FLT4: variants seen among roughly 807,000 people sequenced by gnomAD.
The protein encoded by FLT4 is vascular endothelial growth factor receptor 3.
A neutral mutation model predicts 163.2 loss-of-function variants in FLT4; 30 were observed. That is an observed-to-expected ratio of 0.18 (90% CI 0.14 to 0.25). FLT4 has a LOEUF of 0.25. Ranked by LOEUF, FLT4 falls within the 10% of genes least tolerant of loss-of-function variation. The probability of loss-of-function intolerance (pLI) is 1.00; values close to 1 mark genes in which losing one functional copy is unlikely to be tolerated. For missense variants in FLT4, 1,510 were observed against 1,863.8 expected, an observed-to-expected ratio of 0.81 and a Z score of 3.50; for synonymous variants, 884 against 789.5, an observed-to-expected ratio of 1.12 and a Z score of -2.01.
chr5:180,614,464 T>A (rs529434971), intron 23 of FLT4, among the ~76,000 whole-genome samples: 12 of 152,190 alleles, frequency 7.9e-5, no homozygotes, highest in Admixed American at 2.6e-4. Context: ...CGGGGTAGAC[T>A]GTACACCTTC....
At position 180,626,240 on chromosome 5, in the gene FLT4, C is replaced by G. The variant is rs777529468; in HGVS notation, c.1129G>C (p.Gly377Arg). 4.4e-5 allele frequency: 71 copies of G among 1,612,536 alleles called. No individual in the cohort carries two copies. The highest frequency in any genetic ancestry group is 6.0e-5 in the Non-Finnish European group (71 of 1,180,012). ...QWYKDGKALS[G>R]RHSPHALVLK... ...ACCAGGGCATGTGGACTGTGGCGCC[C>G]GGACAGTGCCTTTCCATCCTTGTAC... Residue 377 changes from glycine to arginine, a missense_variant, in exon 9 of 30, where the codon GGG (glycine) becomes CGG (arginine). By Grantham distance (125) the Gly-to-Arg change is moderately radical. Around this residue, in one of 5 missense-constraint regions of FLT4, gnomAD observed 878 missense variants for 1,016.7 expected, o/e 0.86. Transcript: ENST00000261937.
chr5:180,619,161 G>A lies in FLT4; in HGVS notation c.2762-52C>T, dbSNP rs775223256. ...GCGTTCGGAACCCGGGGCGCGCTGC[G>A]GGCGCGCTCCGCGTTTGCACCCGCG... On this transcript the variant is annotated intron_variant, in intron 19 of 29. Transcript: ENST00000261937. 9 of 1,314,974 alleles carry A rather than the reference G, an allele frequency of 6.8e-6. No homozygotes were observed. In the South Asian group the frequency reaches 9.2e-5, roughly 13 times the overall value. 81.5% of individuals were successfully genotyped at this position (1,314,974 alleles called of 1,614,324 possible). A position where few individuals can be genotyped will look rare whatever the true frequency, so the allele number is the denominator to read the frequency against.
At chr5:180,631,452 GA>G (rs1561742674) in intron 2 of FLT4, among the ~76,000 whole-genome samples, 1 of 151,870 alleles carries the variant, frequency 6.6e-6, no homozygotes, top group African/African-American at 2.4e-5. Flanking sequence ...CAGCCTGGGT[GA>G]CAGAGTGAGA....
chr5:180,647,721 C>T (rs1202784156), intron 1 of FLT4, among the ~76,000 whole-genome samples: 2 of 152,104 alleles, frequency 1.3e-5, no homozygotes, highest in Non-Finnish European at 2.9e-5. Flanking sequence ...GGGATGACCT[C>T]TGTCTTCATT....
At chr5:180,608,096 C>T (rs1288670091) in intron 29 of FLT4, 1 of 700,444 alleles carries the variant, frequency 1.4e-6, no homozygotes, top group Non-Finnish European at 2.6e-6. Flanking sequence ...TAACCCCTCC[C>T]TGTGGTGCTT....
Position 180,647,415 on chromosome 5 carries a change from G to C in FLT4, c.58+2073C>G, listed in dbSNP as rs1470311741. Among the ~76,000 whole-genome samples, 5 of 152,126 alleles carry C rather than the reference G, an allele frequency of 3.3e-5. No individual in the cohort carries two copies. In the East Asian group the frequency reaches 9.6e-4, roughly 29 times the overall value. On this transcript the variant is annotated intron_variant, in intron 1 of 29. Coordinates refer to ENST00000261937, the MANE Select transcript of FLT4 (RefSeq NM_182925.5). The stretch of plus-strand genomic sequence containing the variant: ...TGGGGAAACTGAGGTGCAGGGAGGG[G>C]AAAGGAGGGGGCCCAGGTCACACAG...
rs781140185 is a variant in FLT4 at position 180,630,517 on chromosome 5, G to A, written c.400+38C>T. ...GGGGCGGTGTGGGCCCCAGCTGCCC[G>A]GGACCCTGCTCCAGCCTGGCCCGCC... On this transcript the variant is annotated intron_variant, in intron 3 of 29. Coordinates refer to ENST00000261937, the MANE Select transcript of FLT4 (RefSeq NM_182925.5). The surrounding 1 kb of genome is among the most constrained non-coding windows in gnomAD (Gnocchi z 6.3). The A allele has an allele frequency of 1.1e-5, 17 of 1,610,880 alleles. No individual in the cohort carries two copies. Among genetic ancestry groups the A allele is most frequent in the African/African-American group, 6.7e-5 (5 of 74,846 alleles).
At chr5:180,613,286 A>G (rs1762355476) in intron 24 of FLT4, 176 bp from the exon 25 acceptor site, 1 of 555,492 alleles carries the variant, frequency 1.8e-6, no homozygotes, top group Non-Finnish European at 3.2e-6. Flanking sequence ...CCTGTGGGCA[A>G]GTCGCTGCCC....
intron 1 of FLT4, among the ~76,000 whole-genome samples, chr5:180,641,963 CT>C (rs1223434755): frequency 1.3e-5 from 2 of 152,098 alleles, no homozygotes; most frequent in Admixed American, 6.5e-5. Context: ...AATCACAGCA[CT>C]TTGGGAGGCC....
intron 1 of FLT4, among the ~76,000 whole-genome samples, chr5:180,646,667 G>C (rs1421385825): frequency 6.6e-6 from 1 of 152,170 alleles, no homozygotes. Context: ...CTGTGTCCCT[G>C]CAAGGCACAG....
intron 1 of FLT4, among the ~76,000 whole-genome samples, chr5:180,638,171 C>T (rs1326128406): frequency 6.6e-6 from 1 of 152,230 alleles, no homozygotes; most frequent in African/African-American, 2.4e-5. Flanking sequence ...TCCCAGGTCT[C>T]TAGCTCCAGC....
intron 8 of FLT4, 117 bp from the exon 9 acceptor site, chr5:180,626,382 T>G (rs1194226949): frequency 8.7e-7 from 1 of 1,150,246 alleles, no homozygotes; most frequent in Admixed American, 1.8e-5. Context: ...GAGTGCAGGG[T>G]AGGACGGGGA....
chr5:180,628,996 T>C lies in FLT4; in HGVS notation c.989A>G (p.Asn330Ser). The change falls in exon 8 of 30, where the codon AAT becomes AGT. Residue 330 changes from asparagine to serine, a missense_variant. Transcript: ENST00000261937. ...RESTEVIVHE[N>S]PFISVEWLKG... Reference sequence around the variant, plus strand: ...GAGCCACTCGACGCTGATGAAGGGATTTTCTGCCGGACAGGAGAAGTCACT... The same window carrying C: ...GAGCCACTCGACGCTGATGAAGGGACTTTCTGCCGGACAGGAGAAGTCACT... 1.9e-6 allele frequency: 3 copies of C among 1,611,374 alleles called. No homozygotes were observed. The highest frequency in any genetic ancestry group is 2.5e-6 in the Non-Finnish European group (3 of 1,178,746).
chr5:180,630,646 G>C lies in FLT4; in HGVS notation c.309C>G (p.Ala103=), dbSNP rs778573474. 1.2e-6 allele frequency: 2 copies of C among 1,613,218 alleles called. No homozygotes were observed. The highest frequency in any genetic ancestry group is 1.7e-6 in the Non-Finnish European group (2 of 1,179,996). The change falls in exon 3 of 30, where the codon GCC becomes GCG. Residue 103 remains alanine, a synonymous_variant. Coordinates refer to ENST00000261937, the MANE Select transcript of FLT4 (RefSeq NM_182925.5). The surrounding 1 kb of genome is among the most constrained non-coding windows in gnomAD (Gnocchi z 6.3). ...CKVLLLHEVH[A]NDTGSYVCYY... ...AGCAGACGTAGCTGCCTGTGTCGTTGGCATGTACCTCGTGCAGCAGCAACA... is the reference window on the plus strand; with the variant it reads ...AGCAGACGTAGCTGCCTGTGTCGTTCGCATGTACCTCGTGCAGCAGCAACA...
chr5:180,607,613 C>T lies in FLT4; in HGVS notation c.3893+1355G>A, dbSNP rs1183848088. The stretch of plus-strand genomic sequence containing the variant: ...CAGAGATCGCACCACTGCACTCTAG[C>T]CTGGGAGACAGAGCGAGACTGTCTC... On this transcript the variant is annotated intron_variant, in intron 29 of 29. Coordinates refer to ENST00000261937, the MANE Select transcript of FLT4 (RefSeq NM_182925.5). 1.5e-4 allele frequency among the ~76,000 whole-genome samples: 22 copies of T among 147,814 alleles called. No homozygotes were observed. In the Admixed American group the frequency reaches 1.5e-3, roughly 10 times the overall value.
chr5:180,621,032 G>T (rs756240844), intron 14 of FLT4, 25 bp from the exon 15 acceptor site: 1 of 1,611,038 alleles, frequency 6.2e-7, no homozygotes, highest in Non-Finnish European at 8.5e-7. Context: ...GTGGAGGTGC[G>T]GGTCCACCTG....
chr5:180,634,570 C>T (rs1280035100), intron 1 of FLT4, among the ~76,000 whole-genome samples: 2 of 150,634 alleles, frequency 1.3e-5, no homozygotes, highest in East Asian at 2.0e-4. Flanking sequence ...GGCATGGTGG[C>T]GGGCGCCCAG....
rs1367683600 is a variant in FLT4, at chr5:180,625,972, G to A, written c.1318C>T (p.Arg440Cys). The stretch of plus-strand genomic sequence containing the variant: ...TAGGCCGTGCAGGTGAGGGCCTGGC[G>A]GCTGTGACGCGAGTAGATGCTGGGG... ...SSPSIYSRHSRQALTCTAYGV... is the reference protein window; with the variant it reads ...SSPSIYSRHSCQALTCTAYGV... Residue 440 changes from arginine to cysteine, a missense_variant, in exon 10 of 30, where the codon CGC becomes TGC. Arg to Cys is a radical substitution (Grantham distance 180). Coordinates refer to ENST00000261937, the MANE Select transcript of FLT4 (RefSeq NM_182925.5). 5 of 1,612,814 alleles carry A rather than the reference G, an allele frequency of 3.1e-6. No individual in the cohort carries two copies. The highest frequency in any genetic ancestry group is 1.7e-4 in the Middle Eastern group (1 of 6,056).
chr5:180,617,035 C>T lies in FLT4; in HGVS notation c.3002-41G>A, dbSNP rs193124524. On this transcript the variant is annotated intron_variant, in intron 21 of 29. Coordinates refer to ENST00000261937, the MANE Select transcript of FLT4 (RefSeq NM_182925.5). The stretch of plus-strand genomic sequence containing the variant: ...AGGTGGGCTCAGGAGGCGCCTCCTC[C>T]GCGGCCTCCATCTACCCAGCCCCAG... 1.5e-4 allele frequency: 218 copies of T among 1,455,966 alleles called. No homozygotes were observed. In the African/African-American group the frequency reaches 1.6e-3, roughly 11 times the overall value. 90.2% of individuals were successfully genotyped at this position (1,455,966 alleles called of 1,614,324 possible).
Sources: allele counts gnomAD v4.1 joint callset (sites outside exome capture counted in the v4.1 genomes callset), GRCh38; gene constraint gnomAD v4.1.1; regional missense constraint gnomAD v4.1.1; non-coding constraint Gnocchi (gnomAD v3.1); transcripts MANE v1.5; gene names NCBI Gene and HGNC (gene_info 2026-07-23, HGNC 2026-07-21).